IMMP2L: variants seen among roughly 807,000 people sequenced by gnomAD.
The protein encoded by IMMP2L is mitochondrial inner membrane protease subunit 2.
In IMMP2L, 18 loss-of-function variants were observed where a neutral mutation model predicts 19.3. The observed-to-expected ratio is 0.93, with a 90% CI of 0.64 to 1.38. IMMP2L has a LOEUF of 1.38. Among genes scored for constraint, IMMP2L ranks in the 40% most tolerant of loss-of-function variants. The probability of loss-of-function intolerance (pLI) is 0.00; values close to 1 mark genes in which losing one functional copy is unlikely to be tolerated. For missense variants in IMMP2L, 233 were observed against 218.2 expected, an observed-to-expected ratio of 1.07 and a Z score of -0.43; for synonymous variants, 76 against 73.0, an observed-to-expected ratio of 1.04 and a Z score of -0.21.
At chr7:111,083,040 A>C (rs1796014794) in intron 3 of IMMP2L, among the ~76,000 whole-genome samples, 1 of 152,292 alleles carries the variant, frequency 6.6e-6, no homozygotes, top group Middle Eastern at 3.4e-3. Flanking sequence ...TGCTATTAAA[A>C]CAGGGTGCAA....
In IMMP2L at chr7:110,727,395, T is replaced by C. The variant is rs901216480; in HGVS notation, c.409-63674A>G. Among the ~76,000 whole-genome samples, 15 of 36,686 alleles carry C rather than the reference T, an allele frequency of 4.1e-4. No individual in the cohort carries two copies. Among genetic ancestry groups the C allele is most frequent in the African/African-American group, 1.7e-3 (15 of 8,624 alleles). The allele number at this position is 36,686 out of a possible 152,430, so 24.1% of individuals were successfully genotyped here. ...GACAGAGTGAGACTCTGTCTCTAAA[T>C]AAATAAATAAATAAATAAATAAATA... On this transcript the variant is annotated intron_variant, in intron 5 of 5. Coordinates refer to ENST00000405709, the MANE Select transcript of IMMP2L (RefSeq NM_032549.4). This position sits in a 1 kb window ranked among gnomAD's most constrained non-coding sequence, Gnocchi z 4.3.
chr7:111,431,794 TTGTTGTTGTTGC>T, intron 3 of IMMP2L, among the ~76,000 whole-genome samples: 1 of 151,582 alleles, frequency 6.6e-6, no homozygotes, highest in South Asian at 2.1e-4. Flanking sequence ...GTAATGGCTT[TTGTTGTTGTTGC>T]TGTTGTTGTT....
chr7:110,823,460 T>C (rs1803209641), intron 5 of IMMP2L, among the ~76,000 whole-genome samples: 1 of 151,924 alleles, frequency 6.6e-6, no homozygotes, highest in South Asian at 2.1e-4. Flanking sequence ...TATATAATAA[T>C]ATATGGAGTA....
intron 3 of IMMP2L, among the ~76,000 whole-genome samples, chr7:111,203,566 G>GTT (rs1156465929): frequency 5.9e-5 from 7 of 118,868 alleles, no homozygotes; most frequent in African/African-American, 2.1e-4. Context: ...TATTATACTG[G>GTT]TTCTTTTTTT....
chr7:111,203,123 G>C (rs963332580), intron 3 of IMMP2L, among the ~76,000 whole-genome samples: 2 of 152,112 alleles, frequency 1.3e-5, no homozygotes, highest in Admixed American at 6.5e-5. Context: ...GATATTCAAA[G>C]GGATGATAGT....
intron 1 of IMMP2L, among the ~76,000 whole-genome samples, chr7:111,530,998 C>A (rs1482093590): frequency 6.6e-6 from 1 of 151,218 alleles, no homozygotes; most frequent in Non-Finnish European, 1.5e-5. Flanking sequence ...GCTCTGTCAC[C>A]CAGGCTGGAG....
At chr7:111,528,349 C>T (rs548573904) in intron 1 of IMMP2L, among the ~76,000 whole-genome samples, 2 of 152,276 alleles carry the variant, frequency 1.3e-5, no homozygotes, top group South Asian at 2.1e-4. Context: ...TTATCAGTTA[C>T]CTCATTCTTC....
At chr7:110,851,334 AT>A (rs1806205241) in intron 5 of IMMP2L, among the ~76,000 whole-genome samples, 1 of 152,170 alleles carries the variant, frequency 6.6e-6, no homozygotes, top group Non-Finnish European at 1.5e-5. Context: ...CTTCATATTT[AT>A]TAAGTCTAAT....
chr7:111,203,566 GTTC>G (rs1810381569), intron 3 of IMMP2L, among the ~76,000 whole-genome samples: 1 of 118,872 alleles, frequency 8.4e-6, no homozygotes, highest in Non-Finnish European at 1.8e-5. Flanking sequence ...TATTATACTG[GTTC>G]TTTTTTTTTT....
intron 1 of IMMP2L, among the ~76,000 whole-genome samples, chr7:111,533,747 A>C (rs914631495): frequency 1.3e-5 from 2 of 152,116 alleles, no homozygotes; most frequent in Non-Finnish European, 2.9e-5. Flanking sequence ...TAGAAATATA[A>C]AAATAACAAG....
rs182453816 is a variant in IMMP2L, at chr7:110,826,543, T to C, written c.408+60050A>G. On this transcript the variant is annotated intron_variant, in intron 5 of 5. Transcript: ENST00000405709. ...TGAGTTCATGTCCTTTGTAGGGAGA[T>C]GGATGAAGCTGGAAACCATCATTCT... Among the ~76,000 whole-genome samples the C allele has an allele frequency of 3.2e-3, 486 of 152,214 alleles. 4 individuals are homozygous for C. Among genetic ancestry groups the C allele is most frequent in the African/African-American group, 0.011 (469 of 41,532 alleles).
At chr7:111,525,667 A>G (rs940188642) in intron 1 of IMMP2L, among the ~76,000 whole-genome samples, 8 of 152,122 alleles carry the variant, frequency 5.3e-5, no homozygotes, top group African/African-American at 1.9e-4. Flanking sequence ...TGGTGGGAGA[A>G]GGAAGGAGAT....
At chr7:111,543,471 C>G (rs986556326) in intron 1 of IMMP2L, among the ~76,000 whole-genome samples, 2 of 152,114 alleles carry the variant, frequency 1.3e-5, no homozygotes, top group African/African-American at 4.8e-5. Flanking sequence ...TAAGCCTTCT[C>G]TGTAAGCCAG....
At chr7:111,082,619 C>G (rs1449466871) in intron 3 of IMMP2L, among the ~76,000 whole-genome samples, 1 of 152,182 alleles carries the variant, frequency 6.6e-6, no homozygotes, top group Non-Finnish European at 1.5e-5. Flanking sequence ...CCCCTTCAGA[C>G]AGCCAGGCTT....
At chr7:111,428,482 G>A (rs532071567) in intron 3 of IMMP2L, among the ~76,000 whole-genome samples, 1 of 151,598 alleles carries the variant, frequency 6.6e-6, no homozygotes, top group Non-Finnish European at 1.5e-5. Context: ...AATAAATTAA[G>A]AATCAATTCA....
chr7:111,201,333 T>C (rs1322356865), intron 3 of IMMP2L, among the ~76,000 whole-genome samples: 4 of 152,118 alleles, frequency 2.6e-5, no homozygotes, highest in Non-Finnish European at 4.4e-5. Flanking sequence ...TACAGTTTTT[T>C]GAGAATTATA....
At chr7:110,763,743 G>A (rs1798488816) in intron 5 of IMMP2L, among the ~76,000 whole-genome samples, 1 of 152,030 alleles carries the variant, frequency 6.6e-6, no homozygotes, top group African/African-American at 2.4e-5. Flanking sequence ...TTCAAATAAG[G>A]GCCATTTTAA....
intron 3 of IMMP2L, among the ~76,000 whole-genome samples, chr7:111,053,633 G>C (rs527620614): frequency 2.6e-5 from 4 of 152,252 alleles, no homozygotes; most frequent in African/African-American, 9.6e-5. Flanking sequence ...TCCTGGTGGT[G>C]GGGGCTGAGG....
intron 4 of IMMP2L, among the ~76,000 whole-genome samples, chr7:110,952,482 C>G (rs1817933652): frequency 6.6e-6 from 1 of 152,126 alleles, no homozygotes; most frequent in Non-Finnish European, 1.5e-5. Flanking sequence ...TGCTAGGAAA[C>G]ACCAGACTCC....
Sources: gnomAD v4.1 joint callset for allele counts (sites outside exome capture counted in the v4.1 genomes callset) on GRCh38, gnomAD v4.1.1 for gene constraint, Gnocchi (gnomAD v3.1) non-coding constraint, MANE v1.5 for transcripts, NCBI Gene and HGNC (gene_info 2026-07-23, HGNC 2026-07-21) for gene names.